SYT2: variants seen among roughly 807,000 people sequenced by gnomAD.
SYT2 encodes synaptotagmin 2, also known as synaptotagmin-2.
In SYT2, 15 loss-of-function variants were observed where a neutral mutation model predicts 39.9. The ratio of observed to expected loss-of-function variants is 0.38; its 90% confidence interval spans 0.25 to 0.58. The LOEUF (loss-of-function observed/expected upper bound fraction) is 0.58, where lower values mean the gene tolerates loss of function less well. SYT2 is among the 20% of genes least tolerant of loss of function. The probability of loss-of-function intolerance (pLI) is 0.70; values close to 1 mark genes in which losing one functional copy is unlikely to be tolerated. For synonymous variants in SYT2, 181 were observed against 204.5 expected, an observed-to-expected ratio of 0.89 and a Z score of 0.98; for missense variants, 389 against 530.3, an observed-to-expected ratio of 0.73 and a Z score of 2.62.
intron 6 of SYT2, among the ~76,000 whole-genome samples, chr1:202,600,845 G>T (rs77492815): frequency 0.023 from 3,553 of 152,304 alleles, 71 homozygotes; most frequent in Non-Finnish European, 0.033. Context: ...AAGGTGGGAA[G>T]GTGTGCGAGA....
At chr1:202,670,351 C>T (rs1692565203) in intron 1 of SYT2, among the ~76,000 whole-genome samples, 1 of 152,166 alleles carries the variant, frequency 6.6e-6, no homozygotes, top group Non-Finnish European at 1.5e-5. Context: ...ATCGGGCACT[C>T]AACCCTTTAA....
At chr1:202,695,708 G>A (rs1653957090) in intron 1 of SYT2, among the ~76,000 whole-genome samples, 1 of 152,192 alleles carries the variant, frequency 6.6e-6, no homozygotes, top group South Asian at 2.1e-4. Flanking sequence ...GGCAACGTGA[G>A]GAGAAGAGAT....
At chr1:202,667,919 C>T (rs1050040585) in intron 1 of SYT2, among the ~76,000 whole-genome samples, 10 of 152,120 alleles carry the variant, frequency 6.6e-5, no homozygotes, top group African/African-American at 9.6e-5. Flanking sequence ...CGCCATGTTG[C>T]CCAGGCTGGT....
At chr1:202,624,764 G>T (rs1182494072) in intron 1 of SYT2, among the ~76,000 whole-genome samples, 18 of 20,482 alleles carry the variant, frequency 8.8e-4, no homozygotes, top group Non-Finnish European at 2.2e-3. Flanking sequence ...TGGTGTGTGT[G>T]TGGTGTGTGG....
intron 1 of SYT2, among the ~76,000 whole-genome samples, chr1:202,692,782 G>T (rs1653870284): frequency 6.6e-6 from 1 of 152,186 alleles, no homozygotes; most frequent in South Asian, 2.1e-4. Context: ...AGTTAGGGCT[G>T]GGGGCAGTGG....
intron 1 of SYT2, among the ~76,000 whole-genome samples, chr1:202,688,196 A>T (rs956180744): frequency 1.3e-5 from 2 of 152,220 alleles, no homozygotes; most frequent in African/African-American, 4.8e-5. Flanking sequence ...ACTCTGGCAC[A>T]TCCCTTTACT....
chr1:202,601,762 G>T lies in SYT2; in HGVS notation c.801+128C>A, dbSNP rs963667241. On this transcript the variant is annotated intron_variant, in intron 6 of 8. Coordinates refer to ENST00000367268, the MANE Select transcript of SYT2 (RefSeq NM_177402.5). This position sits in a 1 kb window ranked among gnomAD's most constrained non-coding sequence, Gnocchi z 4.0. The stretch of plus-strand genomic sequence containing the variant: ...TTGCCCAGGGTCACACAGCCAGGCA[G>T]TGTGGAGCTGGGATCCTAACACAGG... The T allele has an allele frequency of 1.0e-6, 1 of 981,884 alleles. No homozygotes were observed. Among genetic ancestry groups the T allele is most frequent in the Admixed American group, 2.3e-5 (1 of 44,246 alleles). The allele number at this position is 981,884 out of a possible 1,614,324, so 60.8% of individuals were successfully genotyped here. A position where few individuals can be genotyped will look rare whatever the true frequency, so the allele number is the denominator to read the frequency against.
In SYT2 at chr1:202,601,831, G is replaced by T; in HGVS notation, c.801+59C>A. The stretch of plus-strand genomic sequence containing the variant: ...CACCCTGTTTCCATCATGCCAAGAG[G>T]TGGAAGCCCACCTGTACATTCGTCT... On this transcript the variant is annotated intron_variant, in intron 6 of 8. Transcript: ENST00000367268. This position sits in a 1 kb window ranked among gnomAD's most constrained non-coding sequence, Gnocchi z 4.0. 2 of 1,560,676 alleles carry T rather than the reference G, an allele frequency of 1.3e-6. No homozygotes were observed. Among genetic ancestry groups the T allele is most frequent in the Non-Finnish European group, 1.7e-6 (2 of 1,146,376 alleles).
At chr1:202,659,533 G>A (rs1271258459) in intron 1 of SYT2, among the ~76,000 whole-genome samples, 1 of 152,168 alleles carries the variant, frequency 6.6e-6, no homozygotes, top group East Asian at 1.9e-4. Flanking sequence ...GCCAGTAAGT[G>A]GCATTTTAGC....
At chr1:202,627,278 C>T (rs1258122057) in intron 1 of SYT2, among the ~76,000 whole-genome samples, 1 of 152,184 alleles carries the variant, frequency 6.6e-6, no homozygotes, top group African/African-American at 2.4e-5. Context: ...GGGAACGTGC[C>T]TTGTTTACGA....
intron 1 of SYT2, among the ~76,000 whole-genome samples, chr1:202,702,497 C>T (rs1654146062): frequency 6.6e-6 from 1 of 152,210 alleles, no homozygotes; most frequent in Admixed American, 6.5e-5. Context: ...ATCCTAGCCA[C>T]AGCCACCCTT....
chr1:202,643,053 C>T (rs896859377), intron 1 of SYT2, among the ~76,000 whole-genome samples: 1 of 152,234 alleles, frequency 6.6e-6, no homozygotes, highest in Non-Finnish European at 1.5e-5. Flanking sequence ...AATTCCGACG[C>T]CCATGGATTT....
At chr1:202,655,611 G>A (rs958378501) in intron 1 of SYT2, among the ~76,000 whole-genome samples, 2 of 152,150 alleles carry the variant, frequency 1.3e-5, no homozygotes. Context: ...AGGACACTGG[G>A]GCTCAGAGAA....
chr1:202,672,097 A>G (rs1692598613), intron 1 of SYT2, among the ~76,000 whole-genome samples: 1 of 152,246 alleles, frequency 6.6e-6, no homozygotes, highest in Non-Finnish European at 1.5e-5. Context: ...TGTTTTCAGT[A>G]TCAAGTAAAT....
intron 4 of SYT2, 121 bp downstream of exon 4, chr1:202,602,878 C>G (rs1168352136): frequency 1.6e-6 from 2 of 1,285,410 alleles, no homozygotes; most frequent in Non-Finnish European, 2.2e-6. Context: ...TCCAGCCTGC[C>G]TCATTCTATG....
Position 202,600,729 on chromosome 1 carries a change from G to C in SYT2, c.802-255C>G, listed in dbSNP as rs566653846. 1.1e-4 allele frequency among the ~76,000 whole-genome samples: 16 copies of C among 152,338 alleles called. No homozygotes were observed. In the South Asian group the frequency reaches 3.3e-3, roughly 32 times the overall value. On this transcript the variant is annotated intron_variant, in intron 6 of 8. Transcript: ENST00000367268. ...TGGGCTGAGGATGCTGACAGATGAGGGGGGTAGAGGACAGCTGCGGTGGCA... is the reference window on the plus strand; with the variant it reads ...TGGGCTGAGGATGCTGACAGATGAGCGGGGTAGAGGACAGCTGCGGTGGCA...
chr1:202,620,822 ACT>A (rs1429365177), intron 1 of SYT2, among the ~76,000 whole-genome samples: 3 of 151,998 alleles, frequency 2.0e-5, no homozygotes, highest in Non-Finnish European at 4.4e-5. Flanking sequence ...TCACACTCAC[ACT>A]CTCAGTAGTT....
At chr1:202,709,795 A>G (rs1654347582) in intron 1 of SYT2, among the ~76,000 whole-genome samples, 1 of 151,636 alleles carries the variant, frequency 6.6e-6, no homozygotes, top group Non-Finnish European at 1.5e-5. Flanking sequence ...CCCACTTCCC[A>G]CGACGGCGGT....
rs376967339 is a variant in SYT2, at chr1:202,688,708, C to T, written c.-18+21550G>A. ...TCGTTTGCAGCAAGAAGGTCTCCGA[C>T]TAGAGAGCAGGAAGAACTTCCTGAT... On this transcript the variant is annotated intron_variant, in intron 1 of 8. Coordinates refer to ENST00000367268, the MANE Select transcript of SYT2 (RefSeq NM_177402.5). Among the ~76,000 whole-genome samples, 19 of 152,330 alleles carry T rather than the reference C, an allele frequency of 1.2e-4. 1 individual carries two copies. Among genetic ancestry groups the T allele is most frequent in the Admixed American group, 7.8e-4 (12 of 15,304 alleles).
Sources: allele counts gnomAD v4.1 joint callset (sites outside exome capture counted in the v4.1 genomes callset), GRCh38; gene constraint gnomAD v4.1.1; non-coding constraint Gnocchi (gnomAD v3.1); transcripts MANE v1.5; gene names NCBI Gene and HGNC (gene_info 2026-07-23, HGNC 2026-07-21).